The following TAFA1 variants were observed in gnomAD, a reference collection of about 807,000 sequenced individuals.
TAFA1 encodes the protein chemokine-like protein TAFA-1.
TAFA1 carries 4 observed loss-of-function variants against 18.5 expected under a neutral mutation model. That is an observed-to-expected ratio of 0.22 (90% confidence interval 0.11 to 0.49). The LOEUF is 0.49. Ranked by LOEUF, TAFA1 falls within the 20% of genes least tolerant of loss-of-function variation. The probability of loss-of-function intolerance (pLI) is 0.98; values close to 1 mark genes in which losing one functional copy is unlikely to be tolerated. For synonymous variants in TAFA1, 56 were observed against 55.2 expected (o/e 1.01, Z -0.06); for missense variants, 147 against 169.0 (o/e 0.87, Z 0.72).
chr3:68,492,315 T>G (rs2072468377), intron 3 of TAFA1, among the ~76,000 whole-genome samples: 1 of 152,126 alleles, frequency 6.6e-6, no homozygotes, highest in Non-Finnish European at 1.5e-5. Flanking sequence ...GTGGTTGTTT[T>G]TTTGTTTTTT....
chr3:68,016,282 G>A (rs1008663899), intron 2 of TAFA1, among the ~76,000 whole-genome samples: 8 of 152,116 alleles, frequency 5.3e-5, no homozygotes, highest in Non-Finnish European at 1.2e-4. Flanking sequence ...GCTGCATAAC[G>A]ATGAATGGCT....
chr3:68,438,086 C>T (rs1275537130), intron 3 of TAFA1, among the ~76,000 whole-genome samples: 6 of 152,128 alleles, frequency 3.9e-5, no homozygotes, highest in Non-Finnish European at 7.4e-5. Context: ...TAGCCATGTG[C>T]AGTGGCTCAT....
At chr3:68,257,266 A>G (rs965458404) in intron 2 of TAFA1, among the ~76,000 whole-genome samples, 13 of 152,110 alleles carry the variant, frequency 8.5e-5, no homozygotes, top group African/African-American at 3.1e-4. Flanking sequence ...ACCCGACCCC[A>G]GAATTTAAAT....
intron 3 of TAFA1, among the ~76,000 whole-genome samples, chr3:68,480,780 T>G (rs1706373397): frequency 6.6e-6 from 1 of 152,202 alleles, no homozygotes; most frequent in Non-Finnish European, 1.5e-5. Flanking sequence ...ATGGTTTGGC[T>G]GTGTCCCCAC....
intron 2 of TAFA1, among the ~76,000 whole-genome samples, chr3:68,415,247 C>T (rs2070807365): frequency 6.6e-6 from 1 of 152,158 alleles, no homozygotes; most frequent in African/African-American, 2.4e-5. Flanking sequence ...AGAGAAATAC[C>T]TGTACCACAC....
At chr3:68,061,840 G>A (rs2064605624) in intron 2 of TAFA1, among the ~76,000 whole-genome samples, 1 of 152,122 alleles carries the variant, frequency 6.6e-6, no homozygotes, top group Non-Finnish European at 1.5e-5. Context: ...GAAAGGAGGG[G>A]GAGGTTGAAC....
At chr3:68,180,823 C>T (rs745492713) in intron 2 of TAFA1, among the ~76,000 whole-genome samples, 1 of 152,122 alleles carries the variant, frequency 6.6e-6, no homozygotes, top group Non-Finnish European at 1.5e-5. Context: ...CCTTCTGTAT[C>T]CCCTCTCTCT....
At chr3:68,305,407 G>A (rs1575762889) in intron 2 of TAFA1, among the ~76,000 whole-genome samples, 1 of 36,662 alleles carries the variant, frequency 2.7e-5, no homozygotes, top group African/African-American at 9.2e-5. Context: ...ATGACTATAT[G>A]ACTATATATA....
intron 2 of TAFA1, among the ~76,000 whole-genome samples, chr3:68,216,633 T>G (rs947318041): frequency 6.6e-6 from 1 of 152,088 alleles, no homozygotes; most frequent in Non-Finnish European, 1.5e-5. Context: ...TCCAATAGTA[T>G]GACTCAATTG....
chr3:68,283,136 T>A (rs534911615), intron 2 of TAFA1, among the ~76,000 whole-genome samples: 1 of 152,334 alleles, frequency 6.6e-6, no homozygotes, highest in Admixed American at 6.5e-5. Context: ...TGCTTTATGA[T>A]AATAGAGAAT....
chr3:68,167,032 T>A (rs2065990495), intron 2 of TAFA1, among the ~76,000 whole-genome samples: 1 of 152,220 alleles, frequency 6.6e-6, no homozygotes, highest in African/African-American at 2.4e-5. Flanking sequence ...TTGCAAACGC[T>A]GCCTCTTTTC....
At chr3:68,110,427 G>T (rs1575621300) in intron 2 of TAFA1, among the ~76,000 whole-genome samples, 1 of 152,200 alleles carries the variant, frequency 6.6e-6, no homozygotes, top group Non-Finnish European at 1.5e-5. Flanking sequence ...GAATAGTGCT[G>T]CAATGAACAT....
intron 3 of TAFA1, among the ~76,000 whole-genome samples, chr3:68,500,865 T>C (rs951921174): frequency 6.6e-6 from 1 of 151,838 alleles, no homozygotes; most frequent in African/African-American, 2.4e-5. Flanking sequence ...GATTCAGCTA[T>C]CAAAAGAGGG....
intron 2 of TAFA1, among the ~76,000 whole-genome samples, chr3:68,214,214 G>A (rs549833353): frequency 6.6e-6 from 1 of 152,170 alleles, no homozygotes; most frequent in South Asian, 2.1e-4. Context: ...TGCTTTGTCT[G>A]TCCTTTTCAT....
chr3:68,166,147 C>T (rs180979466), intron 2 of TAFA1, among the ~76,000 whole-genome samples: 3 of 152,246 alleles, frequency 2.0e-5, no homozygotes, highest in African/African-American at 7.2e-5. Flanking sequence ...GGCCAGAGAT[C>T]GGAGACTGAA....
At chr3:68,224,685 T>C (rs2066774109) in intron 2 of TAFA1, among the ~76,000 whole-genome samples, 1 of 152,142 alleles carries the variant, frequency 6.6e-6, no homozygotes, top group Admixed American at 6.5e-5. Context: ...TGGCAGTTCC[T>C]TTCATTGCTC....
intron 2 of TAFA1, among the ~76,000 whole-genome samples, chr3:68,327,291 T>C (rs1302379997): frequency 6.6e-6 from 1 of 152,346 alleles, no homozygotes; most frequent in African/African-American, 2.4e-5. Context: ...AATTTATCTC[T>C]TTCTCAGATG....
chr3:68,002,600 C>T (rs143537613), upstream of TAFA1, among the ~76,000 whole-genome samples: 744 of 152,228 alleles, frequency 4.9e-3, 4 homozygotes, highest in Non-Finnish European at 4.2e-3. Context: ...ATATGTACCT[C>T]TAGAAAGAAT....
At chr3:68,112,053 A>G (rs1408363252) in intron 2 of TAFA1, among the ~76,000 whole-genome samples, 2 of 151,556 alleles carry the variant, frequency 1.3e-5, no homozygotes, top group African/African-American at 2.4e-5. Flanking sequence ...GCATCTTGGT[A>G]TCAGAGTCAC....
Sources: allele counts gnomAD v4.1 joint callset (sites outside exome capture counted in the v4.1 genomes callset), GRCh38; gene constraint gnomAD v4.1.1; transcripts MANE v1.5; gene names NCBI Gene and HGNC (gene_info 2026-07-23, HGNC 2026-07-21).